The following FSTL4 variants were observed in gnomAD, a reference collection of about 807,000 sequenced individuals.
FSTL4 encodes follistatin-related protein 4.
Under a neutral mutation model 78.2 loss-of-function variants are expected in FSTL4, and 28 were observed. The observed-to-expected ratio is 0.36, with a 90% CI of 0.27 to 0.49. FSTL4 has a LOEUF of 0.49. FSTL4 is among the 20% of genes least tolerant of loss of function. The probability of loss-of-function intolerance (pLI) is 0.98; values close to 1 mark genes in which losing one functional copy is unlikely to be tolerated. For synonymous variants in FSTL4, 422 were observed against 440.5 expected, an observed-to-expected ratio of 0.96 and a Z score of 0.53; for missense variants, 922 against 1,084.9, an observed-to-expected ratio of 0.85 and a Z score of 2.11.
chr5:133,475,752 A>G (rs1757914391), intron 3 of FSTL4, among the ~76,000 whole-genome samples: 1 of 152,214 alleles, frequency 6.6e-6, no homozygotes, highest in South Asian at 2.1e-4. Context: ...TCCTGTGATA[A>G]CATAAACTGG....
At chr5:133,449,163 CTGCGTCTG>C (rs1757330463) in intron 3 of FSTL4, among the ~76,000 whole-genome samples, 1 of 152,222 alleles carries the variant, frequency 6.6e-6, no homozygotes, top group East Asian at 1.9e-4. Flanking sequence ...CCCTGTGCCC[CTGCGTCTG>C]TGCACACCAT....
chr5:133,695,689 C>T, the FSTL4 span, among the ~76,000 whole-genome samples: 1 of 152,158 alleles, frequency 6.6e-6, no homozygotes, highest in Non-Finnish European at 1.5e-5. Flanking sequence ...GATCCTGAGG[C>T]AAAGCTCAGA....
intron 14 of FSTL4, 106 bp from the exon 15 acceptor site, chr5:133,202,148 G>A (rs1750343545): frequency 1.5e-6 from 1 of 649,660 alleles, no homozygotes; most frequent in African/African-American, 1.8e-5. Flanking sequence ...GGGTGCTTGG[G>A]AGAGAGATGA....
In FSTL4 at chr5:133,361,815, G is replaced by T. The variant is rs1755077341; in HGVS notation, c.409+38923C>A. 6.6e-6 allele frequency among the ~76,000 whole-genome samples: 1 copy of T among 152,132 alleles called. No homozygotes were observed. Among genetic ancestry groups the T allele is most frequent in the Non-Finnish European group, 1.5e-5 (1 of 68,028 alleles). On this transcript the variant is annotated intron_variant, in intron 4 of 15. Transcript: ENST00000265342. The surrounding 1 kb of genome is among the most constrained non-coding windows in gnomAD (Gnocchi z 4.3). ...TTGCTGTTAGTATTGAGTGAGCAAG[G>T]ACCAGGGATACCAGACATTTTGCAT...
At chr5:133,307,100 G>C (rs1362371971) in intron 6 of FSTL4, among the ~76,000 whole-genome samples, 1 of 152,156 alleles carries the variant, frequency 6.6e-6, no homozygotes, top group Non-Finnish European at 1.5e-5. Flanking sequence ...CTCTGGTAGG[G>C]AACTGTCCAA....
intron 4 of FSTL4, among the ~76,000 whole-genome samples, chr5:133,330,035 C>T (rs890325332): frequency 3.9e-5 from 6 of 152,110 alleles, no homozygotes; most frequent in Non-Finnish European, 7.4e-5. Flanking sequence ...ATCTCTAAAG[C>T]GACAACACTT....
chr5:133,522,899 T>C (rs1210979491), intron 3 of FSTL4, among the ~76,000 whole-genome samples: 4 of 152,248 alleles, frequency 2.6e-5, no homozygotes, highest in African/African-American at 9.6e-5. Flanking sequence ...ATATTACTTT[T>C]GTATTTTAAT....
At chr5:133,733,300 G>T in the FSTL4 span, among the ~76,000 whole-genome samples, 3 of 152,010 alleles carry the variant, frequency 2.0e-5, no homozygotes, top group Non-Finnish European at 2.9e-5. Flanking sequence ...TTTGCCCTCC[G>T]TCCTTGAAAT....
chr5:133,452,890 C>T (rs777015759), intron 3 of FSTL4, among the ~76,000 whole-genome samples: 28 of 152,220 alleles, frequency 1.8e-4, no homozygotes, highest in Non-Finnish European at 2.8e-4. Context: ...TTATTGCAGG[C>T]GCACTCTGTG....
At chr5:133,311,956 C>T (rs540442666) in intron 6 of FSTL4, among the ~76,000 whole-genome samples, 17 of 152,290 alleles carry the variant, frequency 1.1e-4, no homozygotes, top group East Asian at 3.9e-4. Flanking sequence ...CCTGGAGCTA[C>T]GAATGGCTCT....
At chr5:133,601,882 C>T (rs1421169213) in intron 2 of FSTL4, among the ~76,000 whole-genome samples, 1 of 151,694 alleles carries the variant, frequency 6.6e-6, no homozygotes, top group Non-Finnish European at 1.5e-5. Context: ...CAGGGTTTTG[C>T]TATGTTGCCC....
At chr5:133,310,753 A>G (rs906009771) in intron 6 of FSTL4, among the ~76,000 whole-genome samples, 36 of 152,176 alleles carry the variant, frequency 2.4e-4, no homozygotes, top group African/African-American at 8.4e-4. Flanking sequence ...CCTTTGGCAG[A>G]GGGGTCTAGG....
rs531023417 is a variant in FSTL4, at chr5:133,382,877, G to A, written c.409+17861C>T. Among the ~76,000 whole-genome samples, 101 of 152,204 alleles carry A rather than the reference G, an allele frequency of 6.6e-4. 1 individual carries two copies. The highest frequency in any genetic ancestry group is 6.5e-3 in the Admixed American group (99 of 15,294). ...CACGGAAAGGGAAAATGAAATAGGA[G>A]GTGAGAAGATGAGGAGGAGTACAGG... On this transcript the variant is annotated intron_variant, in intron 4 of 15. Coordinates refer to ENST00000265342, the MANE Select transcript of FSTL4 (RefSeq NM_015082.2).
chr5:133,551,120 C>A (rs1161831451), intron 3 of FSTL4, among the ~76,000 whole-genome samples: 1 of 152,096 alleles, frequency 6.6e-6, no homozygotes, highest in African/African-American at 2.4e-5. Context: ...TCTTTCATAG[C>A]AGTCAAGCAA....
rs1010748071 is a variant in FSTL4 at position 133,583,441 on chromosome 5, C to T, written c.127-16222G>A. The stretch of plus-strand genomic sequence containing the variant: ...CAGTGGGCGCAGGCCAGTGTGTGCG[C>T]ACCGTGCGCGAGCCGAAGCAGGGCG... On this transcript the variant is annotated intron_variant, in intron 2 of 15. Transcript: ENST00000265342. 7 of 256,964 alleles carry T rather than the reference C, an allele frequency of 2.7e-5. 1 individual carries two copies. The highest frequency in any genetic ancestry group is 2.8e-5 in the South Asian group (1 of 35,944). The allele number at this position is 256,964 out of a possible 1,614,324, so 15.9% of individuals were successfully genotyped here.
At chr5:133,806,602 C>A in the FSTL4 span, among the ~76,000 whole-genome samples, 3 of 152,208 alleles carry the variant, frequency 2.0e-5, no homozygotes, top group Non-Finnish European at 2.9e-5. Context: ...GCAGCCCAAA[C>A]TGGGTTGCTG....
chr5:133,346,869 C>T (rs189785741), intron 4 of FSTL4, among the ~76,000 whole-genome samples: 52 of 152,200 alleles, frequency 3.4e-4, no homozygotes, highest in Non-Finnish European at 6.8e-4. Context: ...ACTTATTCTT[C>T]GGCTCCTTCT....
chr5:133,647,195 C>T, the FSTL4 span, among the ~76,000 whole-genome samples: 1 of 152,192 alleles, frequency 6.6e-6, no homozygotes, highest in Non-Finnish European at 1.5e-5. Flanking sequence ...CCATTGGTGG[C>T]ATCAGGAGAA....
At chr5:133,228,468 A>C (rs912318188) in intron 8 of FSTL4, among the ~76,000 whole-genome samples, 10 of 152,216 alleles carry the variant, frequency 6.6e-5, no homozygotes, top group African/African-American at 2.2e-4. Context: ...CAGAGAATGC[A>C]AAAAAGACTA....
Sources: allele counts gnomAD v4.1 joint callset (sites outside exome capture counted in the v4.1 genomes callset), GRCh38; gene constraint gnomAD v4.1.1; non-coding constraint Gnocchi (gnomAD v3.1); transcripts MANE v1.5; gene names NCBI Gene and HGNC (gene_info 2026-07-23, HGNC 2026-07-21).